The following NOTCH2 variants were observed in gnomAD, a reference collection of about 807,000 sequenced individuals.
The protein encoded by NOTCH2 is neurogenic locus notch homolog protein 2.
NOTCH2 carries 29 observed loss-of-function variants against 235.8 expected under a neutral mutation model. The ratio of observed to expected loss-of-function variants is 0.12; its 90% CI spans 0.09 to 0.17. NOTCH2 has a LOEUF of 0.17. NOTCH2 is among the 10% of genes least tolerant of loss of function. The pLI is 1.00. For synonymous variants in NOTCH2, 1,086 were observed against 1,141.5 expected, an observed-to-expected ratio of 0.95 and a Z score of 0.98; for missense variants, 2,285 against 3,150.2, an observed-to-expected ratio of 0.73 and a Z score of 6.57.
chr1:119,973,375 A>G (rs1457271965), intron 5 of NOTCH2, among the ~76,000 whole-genome samples: 4 of 152,174 alleles, frequency 2.6e-5, no homozygotes, highest in Non-Finnish European at 4.4e-5. Context: ...AACTCCCTTC[A>G]CGTCACCACC....
rs940625559 is a variant in NOTCH2 at position 119,921,754 on chromosome 1, G to A, written c.5269C>T (p.His1757Tyr). The A allele has an allele frequency of 1.2e-6, 2 of 1,614,048 alleles. No individual in the cohort carries two copies. Among genetic ancestry groups the A allele is most frequent in the African/African-American group, 2.7e-5 (2 of 74,914 alleles). ...ANLIGTGTSE[H>Y]WVDDEGPQPK... ...TGGGGCCCTTCATCATCGACCCAGT[G>A]TTCACTTGTTCCAGTACCAATTAGG... The change falls in exon 29 of 34, where the codon CAC becomes TAC. Residue 1757 changes from histidine to tyrosine, a missense_variant. His to Tyr is a moderately conservative substitution (Grantham distance 83, BLOSUM62 2). Coordinates refer to ENST00000256646, the MANE Select transcript of NOTCH2 (RefSeq NM_024408.4).
Position 119,955,078 on chromosome 1 carries a change from A to G in NOTCH2, c.2181T>C (p.Asn727=). 6.2e-7 allele frequency: 1 copy of G among 1,613,994 alleles called. No individual in the cohort carries two copies. Among genetic ancestry groups the G allele is most frequent in the East Asian group, 2.2e-5 (1 of 44,860 alleles). ...CAGTACAGTTTCCATGGATGCAGGG[A>G]TTGCTCAGGCATTCGTTCACCTGTG... is the stretch of plus-strand genomic sequence containing the variant. ...CYSQVNECLS[N]PCIHGNCTGG... is the part of the protein sequence containing the mutation. The change falls in exon 13 of 34, where the codon AAT becomes AAC. Residue 727 remains asparagine, a synonymous_variant. Transcript: ENST00000256646.
chr1:119,922,140 A>G (rs1649306742), intron 28 of NOTCH2, 96 bp downstream of exon 28: 1 of 1,364,920 alleles, frequency 7.3e-7, no homozygotes, highest in Admixed American at 1.8e-5. Flanking sequence ...GTAAATGCCC[A>G]GAGCTTAGAA....
chr1:119,941,584 A>G lies in NOTCH2; in HGVS notation c.2923T>C (p.Cys975Arg). 6.2e-7 allele frequency: 1 copy of G among 1,614,046 alleles called. No individual in the cohort carries two copies. Among genetic ancestry groups the G allele is most frequent in the Non-Finnish European group, 8.5e-7 (1 of 1,179,960 alleles). Residue 975 changes from cysteine to arginine, a missense_variant, in exon 18 of 34, where the codon TGC (cysteine) becomes CGC (arginine). Physicochemically the swap from Cys to Arg is radical, Grantham distance 180. Around this residue, in one of 6 missense-constraint regions of NOTCH2, gnomAD observed 1,173 missense variants for 1,515.3 expected, o/e 0.77. Coordinates refer to ENST00000256646, the MANE Select transcript of NOTCH2 (RefSeq NM_024408.4). The part of the protein sequence containing the change: ...SDYVNSYTCK[C>R]QAGFDGVHCE... ...TGGACTCCATCAAATCCTGCCTGGC[A>G]CTTGCAAGTGTAACTGTTGACGTAG...
chr1:119,999,301 G>C (rs1652615663), intron 3 of NOTCH2, among the ~76,000 whole-genome samples: 1 of 147,642 alleles, frequency 6.8e-6, no homozygotes, highest in African/African-American at 2.6e-5. Context: ...AGGTAAATGG[G>C]AGACACAAGA....
chr1:119,920,666 C>T (rs946343082), intron 29 of NOTCH2, among the ~76,000 whole-genome samples: 1 of 152,198 alleles, frequency 6.6e-6, no homozygotes, highest in South Asian at 2.1e-4. Flanking sequence ...GCACCCAATT[C>T]TCACTTTTCC....
At chr1:119,973,089 TG>T (rs1262008951) in intron 5 of NOTCH2, among the ~76,000 whole-genome samples, 1 of 152,230 alleles carries the variant, frequency 6.6e-6, no homozygotes, top group Admixed American at 6.5e-5. Context: ...ACCATGCATC[TG>T]TTCGATAGTG....
At chr1:120,058,679 C>A (rs1259692565) in intron 1 of NOTCH2, among the ~76,000 whole-genome samples, 1 of 145,416 alleles carries the variant, frequency 6.9e-6, no homozygotes, top group East Asian at 2.0e-4. Context: ...AAATTTCCAA[C>A]AGAAATGTTG....
rs17024499 is a variant in NOTCH2 at position 119,914,564 on chromosome 1, A to G, written c.*742T>C. The G allele has an allele frequency of 9.3e-3, 2,171 of 233,688 alleles. 41 individuals are homozygous for G. Among genetic ancestry groups the G allele is most frequent in the African/African-American group, 0.046 (2,073 of 45,426 alleles). 14.5% of individuals were successfully genotyped at this position (233,688 alleles called of 1,614,324 possible). ...CTCCTGCCCCCAAAATTTGTTGAAG[A>G]AAAGTATTCTTCTCCCCTTCTCTCT... On this transcript the variant is annotated 3_prime_UTR_variant, in exon 34 of 34. Coordinates refer to ENST00000256646, the MANE Select transcript of NOTCH2 (RefSeq NM_024408.4).
rs1649028248 is a variant in NOTCH2 at position 119,915,390 on chromosome 1, G to T, written c.7332C>A (p.Thr2444=). ...GCTGACCTCCTCCAGCACCCCCAGG[G>T]GTAGGGCTGGTGGTCACATCTGACC... ...SDWSDVTTSP[T]PGGAGGGQRG... is the part of the protein sequence containing the mutation. Residue 2444 remains threonine (T), a synonymous_variant, in exon 34 of 34, where the codon ACC becomes ACA. Transcript: ENST00000256646. 6.2e-7 allele frequency: 1 copy of T among 1,614,046 alleles called. No homozygotes were observed. Among genetic ancestry groups the T allele is most frequent in the Non-Finnish European group, 8.5e-7 (1 of 1,180,036 alleles).
intron 26 of NOTCH2, among the ~76,000 whole-genome samples, chr1:119,923,125 G>T (rs1370761292): frequency 6.6e-6 from 1 of 152,182 alleles, no homozygotes; most frequent in Non-Finnish European, 1.5e-5. Flanking sequence ...GTGGTACTTG[G>T]TGCTACTCTA....
chr1:120,045,965 G>T (rs1654770767), intron 1 of NOTCH2, among the ~76,000 whole-genome samples: 1 of 152,256 alleles, frequency 6.6e-6, no homozygotes, highest in Non-Finnish European at 1.5e-5. Flanking sequence ...AAACATATAA[G>T]CTTTACTTAG....
chr1:119,916,200 C>T lies in NOTCH2; in HGVS notation c.6522G>A (p.Gly2174=). The change falls in exon 34 of 34, where the codon GGG becomes GGA. Residue 2174 remains glycine, a synonymous_variant. Transcript: ENST00000256646. ...TAGGGTTGGGTGAGGCCTGTAAGAT[C>T]CCAGGGGATGTAATCATTGGAGAGG... The part of the protein sequence containing the change: ...TTSSPMITSP[G]ILQASPNPML... 1.2e-6 allele frequency: 2 copies of T among 1,614,170 alleles called. No individual in the cohort carries two copies. Among genetic ancestry groups the T allele is most frequent in the African/African-American group, 1.3e-5 (1 of 75,032 alleles).
intron 1 of NOTCH2, among the ~76,000 whole-genome samples, chr1:120,061,898 A>AG (rs1208721886): frequency 1.2e-5 from 1 of 80,772 alleles, no homozygotes; most frequent in Non-Finnish European, 2.6e-5. Context: ...CCATGGCTGG[A>AG]GCGACGTAGC....
intron 12 of NOTCH2, among the ~76,000 whole-genome samples, chr1:119,957,814 T>TA (rs1216049680): frequency 7.2e-6 from 1 of 138,782 alleles, no homozygotes; most frequent in Non-Finnish European, 1.5e-5. Flanking sequence ...ATGAGTCCAG[T>TA]AGAAGCCTTA....
chr1:120,067,606 G>A (rs1158784414), intron 1 of NOTCH2, among the ~76,000 whole-genome samples: 1 of 152,090 alleles, frequency 6.6e-6, no homozygotes, highest in Non-Finnish European at 1.5e-5. Flanking sequence ...TGAAGATTAA[G>A]TTATTTACCA....
intron 15 of NOTCH2, among the ~76,000 whole-genome samples, chr1:119,949,497 C>T (rs1411724520): frequency 6.6e-6 from 1 of 151,698 alleles, no homozygotes; most frequent in Non-Finnish European, 1.5e-5. Context: ...TGCCATTCTC[C>T]TGCCTCCGCC....
intron 2 of NOTCH2, among the ~76,000 whole-genome samples, chr1:120,010,375 C>A (rs1330257521): frequency 2.0e-5 from 3 of 152,072 alleles, no homozygotes; most frequent in Admixed American, 1.3e-4. Context: ...AAGATGATCA[C>A]CAGCCTCTGC....
chr1:119,956,439 C>T (rs1004140762), intron 12 of NOTCH2, among the ~76,000 whole-genome samples: 1 of 152,318 alleles, frequency 6.6e-6, no homozygotes, highest in South Asian at 2.1e-4. Flanking sequence ...GATACCCACT[C>T]CTATGAAGTA....
Sources: allele counts gnomAD v4.1 joint callset (sites outside exome capture counted in the v4.1 genomes callset), GRCh38; gene constraint gnomAD v4.1.1; regional missense constraint gnomAD v4.1.1; transcripts MANE v1.5; gene names NCBI Gene and HGNC (gene_info 2026-07-23, HGNC 2026-07-21).